Variants in CEP128 observed in about 807,000 individuals in gnomAD.
The protein encoded by CEP128 is centrosomal protein 128kDa.
CEP128 carries 132 observed loss-of-function variants against 156.7 expected under a neutral mutation model. The ratio of observed to expected loss-of-function variants is 0.84; its 90% confidence interval spans 0.73 to 0.97. CEP128 has a LOEUF of 0.97. Ranked by LOEUF, CEP128 falls within the 50% of genes least tolerant of loss-of-function variation. The pLI is 0.00. For synonymous variants in CEP128, 469 were observed against 448.9 expected (o/e 1.04, Z -0.57); for missense variants, 1,252 against 1,281.9 (o/e 0.98, Z 0.36).
At position 80,785,179 on chromosome 14, in the gene CEP128, T is replaced by C. The variant is rs1901334724; in HGVS notation, c.1927A>G (p.Ile643Val). The change falls in exon 15 of 25, where the codon ATC (isoleucine) becomes GTC (valine). Residue 643 changes from isoleucine (I) to valine (V), a missense_variant. Ile to Val is a conservative substitution (Grantham distance 29). Transcript: ENST00000555265. ...AATTTATTAGCAAGATCTGCTCGGA[T>C]GGCACTCAGGTCCTTGATGGACTCT... is the stretch of plus-strand genomic sequence containing the variant. ...MQESIKDLSA[I>V]RADLANKLAE... is the part of the protein sequence containing the mutation. The C allele has an allele frequency of 1.2e-6, 2 of 1,614,076 alleles. No individual in the cohort carries two copies. The highest frequency in any genetic ancestry group is 1.3e-5 in the African/African-American group (1 of 74,946).
intron 20 of CEP128, among the ~76,000 whole-genome samples, chr14:80,566,595 T>C (rs949329324): frequency 1.3e-5 from 2 of 152,188 alleles, no homozygotes; most frequent in Non-Finnish European, 2.9e-5. Flanking sequence ...GCTTTGAATA[T>C]ACCAAATGCA....
At chr14:80,503,559 T>C (rs190584286) in intron 24 of CEP128, among the ~76,000 whole-genome samples, 1 of 152,338 alleles carries the variant, frequency 6.6e-6, no homozygotes, top group East Asian at 1.9e-4. Context: ...TTTCACATTA[T>C]GATGCTGTTT....
chr14:80,601,556 T>G (rs1240857477), intron 19 of CEP128, among the ~76,000 whole-genome samples: 1 of 152,196 alleles, frequency 6.6e-6, no homozygotes, highest in East Asian at 1.9e-4. Context: ...AGAGTATATT[T>G]ACACAAACCT....
intron 8 of CEP128, among the ~76,000 whole-genome samples, chr14:80,866,475 C>T (rs2140172822): frequency 6.6e-6 from 1 of 152,254 alleles, no homozygotes; most frequent in South Asian, 2.1e-4. Context: ...CTCATAAACC[C>T]AGACAACAGG....
chr14:80,639,576 C>G (rs181071260), intron 19 of CEP128, among the ~76,000 whole-genome samples: 300 of 152,170 alleles, frequency 2.0e-3, no homozygotes, highest in Non-Finnish European at 3.6e-3. Flanking sequence ...TGTTAGATCC[C>G]TTATAATGAA....
At chr14:80,492,052 A>C (rs1013348707), downstream of CEP128, among the ~76,000 whole-genome samples, 3 of 152,210 alleles carry the variant, frequency 2.0e-5, no homozygotes, top group African/African-American at 7.2e-5. Context: ...AGAGTTATGC[A>C]GTATGATCTG....
chr14:80,722,013 C>G (rs755725550), intron 19 of CEP128, among the ~76,000 whole-genome samples: 1 of 152,078 alleles, frequency 6.6e-6, no homozygotes, highest in Non-Finnish European at 1.5e-5. Flanking sequence ...TATAGTTTTA[C>G]GGAAGGATAT....
At chr14:80,728,474 G>C (rs892177922) in intron 19 of CEP128, among the ~76,000 whole-genome samples, 9 of 151,760 alleles carry the variant, frequency 5.9e-5, no homozygotes, top group African/African-American at 2.2e-4. Context: ...ACGCTATTTA[G>C]TCATATAACA....
At position 80,940,096 on chromosome 14, in the gene CEP128, G is replaced by A. The variant is rs1286738448; in HGVS notation, c.-171-556C>T. Among the ~76,000 whole-genome samples, 3 of 152,116 alleles carry A rather than the reference G, an allele frequency of 2.0e-5. No homozygotes were observed. The East Asian group carries it at 5.8e-4, about 29-fold the overall frequency. On this transcript the variant is annotated intron_variant, in intron 1 of 24. Transcript: ENST00000555265. ...TCAAAGCAATCTGTAAGAATCCACAGGAAGTGATCCAGAGAACTGGGAGTT... is the reference window on the plus strand; with the variant it reads ...TCAAAGCAATCTGTAAGAATCCACAAGAAGTGATCCAGAGAACTGGGAGTT...
At chr14:80,824,437 T>C (rs547828695) in intron 13 of CEP128, among the ~76,000 whole-genome samples, 1 of 152,218 alleles carries the variant, frequency 6.6e-6, no homozygotes, top group East Asian at 1.9e-4. Flanking sequence ...CTCCATACTT[T>C]TATGCTCTAC....
chr14:80,724,278 T>C (rs1290173553), intron 19 of CEP128, among the ~76,000 whole-genome samples: 1 of 152,208 alleles, frequency 6.6e-6, no homozygotes, highest in East Asian at 1.9e-4. Context: ...TCCATCTGTT[T>C]ATCCACCCAA....
chr14:80,556,815 T>G (rs1339957504), intron 21 of CEP128, among the ~76,000 whole-genome samples: 2 of 152,188 alleles, frequency 1.3e-5, no homozygotes. Flanking sequence ...TTTTAAGCAC[T>G]GACTTGGGAG....
intron 19 of CEP128, among the ~76,000 whole-genome samples, chr14:80,667,545 AC>A (rs1382937682): frequency 6.6e-6 from 1 of 152,188 alleles, no homozygotes; most frequent in Non-Finnish European, 1.5e-5. Context: ...AAGTCAGCCA[AC>A]AAATCAATAC....
intron 8 of CEP128, chr14:80,894,439 A>C (rs758573880): frequency 1.1e-5 from 4 of 349,424 alleles, no homozygotes; most frequent in African/African-American, 8.9e-5. Flanking sequence ...CAATCTGTTA[A>C]TCTCAGAAAA....
At chr14:80,713,983 T>A (rs1452725680) in intron 19 of CEP128, among the ~76,000 whole-genome samples, 1 of 152,178 alleles carries the variant, frequency 6.6e-6, no homozygotes, top group Non-Finnish European at 1.5e-5. Flanking sequence ...TTTCTCTCTC[T>A]CACTCTGCTG....
At chr14:80,721,644 T>C (rs1386232435) in intron 19 of CEP128, among the ~76,000 whole-genome samples, 1 of 152,216 alleles carries the variant, frequency 6.6e-6, no homozygotes, top group Non-Finnish European at 1.5e-5. Flanking sequence ...ATGTAGCTCA[T>C]GTTTGTCTTG....
intron 19 of CEP128, among the ~76,000 whole-genome samples, chr14:80,696,868 C>T (rs369901660): frequency 7.2e-5 from 11 of 152,058 alleles, no homozygotes; most frequent in East Asian, 5.8e-4. Flanking sequence ...ATTCACAGAG[C>T]GTCGTTTCTT....
chr14:80,500,206 G>GT (rs1203987181), intron 24 of CEP128, among the ~76,000 whole-genome samples: 1 of 152,110 alleles, frequency 6.6e-6, no homozygotes, highest in Non-Finnish European at 1.5e-5. Flanking sequence ...CATTTCCTTT[G>GT]TTTTTTCCAC....
intron 1 of CEP128, among the ~76,000 whole-genome samples, chr14:80,940,000 T>C (rs1401690139): frequency 6.6e-6 from 1 of 152,102 alleles, no homozygotes; most frequent in Non-Finnish European, 1.5e-5. Context: ...ATTAAATAAA[T>C]AAGAATAAAA....
Sources: allele counts gnomAD v4.1 joint callset (sites outside exome capture counted in the v4.1 genomes callset), GRCh38; gene constraint gnomAD v4.1.1; transcripts MANE v1.5; gene names NCBI Gene and HGNC (gene_info 2026-07-23, HGNC 2026-07-21).